CYP4F11: variants seen among roughly 807,000 people sequenced by gnomAD.
CYP4F11 encodes the protein cytochrome P450 4F11.
A neutral mutation model predicts 62.2 loss-of-function variants in CYP4F11; 79 were observed. That is an observed-to-expected ratio of 1.27 (90% confidence interval 1.06 to 1.53). CYP4F11 has a LOEUF of 1.53. CYP4F11 is among the 40% of genes most tolerant of loss of function. The pLI is 0.00. For missense variants in CYP4F11, 777 were observed against 680.5 expected (o/e 1.14, Z -1.58); for synonymous variants, 290 against 263.7 (o/e 1.10, Z -0.97).
At chr19:15,922,493 C>T (rs1355917504) in intron 6 of CYP4F11, 63 bp from the exon 7 acceptor site, 2 of 1,534,934 alleles carry the variant, frequency 1.3e-6, no homozygotes, top group Non-Finnish European at 1.8e-6. Context: ...GCTCTTGAGT[C>T]AAACCTAAGA....
chr19:15,931,632 A>G lies in CYP4F11; in HGVS notation c.199-2031T>C, dbSNP rs1220914568. ...GAGGAATGAGTGAGCGAGGAGAGGA[A>G]TGAGTGAGCGAGGAGAGGAATGAGT... On this transcript the variant is annotated intron_variant, in intron 1 of 11. Coordinates refer to ENST00000402119, the MANE Select transcript of CYP4F11 (RefSeq NM_021187.4). 5.6e-3 allele frequency among the ~76,000 whole-genome samples: 362 copies of G among 64,686 alleles called. 15 individuals are homozygous for G. The highest frequency in any genetic ancestry group is 7.5e-3 in the Non-Finnish European group (251 of 33,610). The allele number at this position is 64,686 out of a possible 152,430, so 42.4% of individuals were successfully genotyped here.
In CYP4F11 at chr19:15,920,709, C is replaced by G. The variant is rs570233223; in HGVS notation, c.1115+1328G>C. Among the ~76,000 whole-genome samples the G allele has an allele frequency of 3.3e-5, 5 of 152,196 alleles. No homozygotes were observed. In the South Asian group the frequency reaches 8.3e-4, roughly 25 times the overall value. On this transcript the variant is annotated intron_variant, in intron 8 of 11. Transcript: ENST00000402119. ...CTACAACTGGTCCTCTCCAGTATGC[C>G]CTCTACACTAGCCCTAAAAAGATTC...
rs757891413 is a variant in CYP4F11 at position 15,922,101 on chromosome 19, G to A, written c.1051C>T (p.Gln351Ter). 1 of 1,614,058 alleles carries A rather than the reference G, an allele frequency of 6.2e-7. No homozygotes were observed. The highest frequency in any genetic ancestry group is 1.1e-5 in the South Asian group (1 of 91,064). ...TGCACTTCTTGCCGGCACTGTTCCT[G>A]GTATTCTGGGTGCTTTGCAAGGTGG... The part of the protein sequence containing the change: ...LYHLAKHPEY[Q>*]EQCRQEVQEL... The change falls in exon 8 of 12, where the codon CAG becomes TAG. Residue 351 changes from glutamine to a stop codon, truncating the protein, a stop_gained. Transcript: ENST00000402119. LOFTEE classifies it high-confidence loss of function.
At chr19:15,913,978 C>T in intron 11 of CYP4F11, 69 bp from the exon 12 acceptor site, 3 of 1,540,066 alleles carry the variant, frequency 1.9e-6, no homozygotes, top group Non-Finnish European at 2.6e-6. Flanking sequence ...TGCTTAGAAC[C>T]TGGCCTGGGA....
chr19:15,924,777 C>G lies in CYP4F11; in HGVS notation c.631G>C (p.Glu211Gln). 1.2e-6 allele frequency: 2 copies of G among 1,612,096 alleles called. No individual in the cohort carries two copies. Among genetic ancestry groups the G allele is most frequent in the Non-Finnish European group, 1.7e-6 (2 of 1,178,726 alleles). ...DSLQKCVFSF[E>Q]SNCQEKPSEY... ...AGGACTCACTCCTGACAATTGCTTT[C>G]AAAGCTGAAGACACATTTCTGCAGA... The change falls in exon 5 of 12, where the codon GAA becomes CAA. Residue 211 changes from glutamate to glutamine, a missense_variant. Glu to Gln is a conservative substitution (Grantham distance 29). Coordinates refer to ENST00000402119, the MANE Select transcript of CYP4F11 (RefSeq NM_021187.4).
At chr19:15,931,540 GCGGGGAGAGGAA>G (rs879883225) in intron 1 of CYP4F11, among the ~76,000 whole-genome samples, 8,165 of 107,490 alleles carry the variant, frequency 0.076, 1,417 homozygotes, top group Middle Eastern at 0.14. Context: ...GAATGAGTGA[GCGGGGAGAGGAA>G]TGAGTGAGCG....
chr19:15,919,398 T>A (rs1325219799), intron 8 of CYP4F11, among the ~76,000 whole-genome samples: 2 of 146,836 alleles, frequency 1.4e-5, no homozygotes, highest in African/African-American at 2.5e-5. Flanking sequence ...ATAGATAGGA[T>A]AAAGGATGGA....
At chr19:15,929,654 C>T in intron 1 of CYP4F11, 53 bp from the exon 2 acceptor site, 1 of 1,523,088 alleles carries the variant, frequency 6.6e-7, no homozygotes, top group Non-Finnish European at 8.8e-7. Flanking sequence ...TCTAGGCATC[C>T]TGAATTAATC....
At chr19:15,914,058 G>T in intron 11 of CYP4F11, 149 bp from the exon 12 acceptor site, 2 of 1,136,176 alleles carry the variant, frequency 1.8e-6, no homozygotes, top group Non-Finnish European at 2.5e-6. Flanking sequence ...TCCCATGTGT[G>T]CTTGCATATC....
chr19:15,927,151 A>G lies in CYP4F11; in HGVS notation c.525+61T>C, dbSNP rs145858415. The stretch of plus-strand genomic sequence containing the variant: ...AAGCACAACCAAAATTCCAGAGCAG[A>G]TATGCCTGTGGTCCCTCTACCCCAA... On this transcript the variant is annotated intron_variant, in intron 4 of 11. Coordinates refer to ENST00000402119, the MANE Select transcript of CYP4F11 (RefSeq NM_021187.4). 9.9e-4 allele frequency: 1,570 copies of G among 1,578,862 alleles called. 10 individuals carry two copies. In the African/African-American group the frequency reaches 0.013, roughly 14 times the overall value.
At chr19:15,918,076 T>C (rs936367352) in intron 8 of CYP4F11, among the ~76,000 whole-genome samples, 2 of 152,002 alleles carry the variant, frequency 1.3e-5, no homozygotes, top group Admixed American at 6.5e-5. Context: ...GAAAATGTGG[T>C]TCATATACAC....
intron 4 of CYP4F11, 95 bp downstream of exon 4, chr19:15,927,117 T>C (rs929208252): frequency 3.6e-6 from 5 of 1,404,854 alleles, no homozygotes; most frequent in Non-Finnish European, 3.9e-6. Context: ...AGGAAGAGCA[T>C]TGTCCCCAAA....
In CYP4F11 at chr19:15,934,222, G is replaced by T. The variant is rs1204449710; in HGVS notation, c.187C>A (p.His63Asn). Reference protein sequence around the residue: ...QPPKQNWFWGHQGLVTPTEEG... With the variant: ...QPPKQNWFWGNQGLVTPTEEG... ...GCTGACAAACTCACCAGGCCCTGGT[G>T]TCCCCAAAACCAGTTCTGTTTCGGG... The change falls in exon 1 of 12, where the codon CAC becomes AAC. Residue 63 changes from histidine to asparagine, a missense_variant. Physicochemically the swap from His to Asn is moderately conservative, Grantham distance 68 (BLOSUM62 1). Transcript: ENST00000402119. The T allele has an allele frequency of 6.2e-7, 1 of 1,613,392 alleles. No individual in the cohort carries two copies. The highest frequency in any genetic ancestry group is 1.1e-5 in the South Asian group (1 of 91,026).
chr19:15,917,782 AAG>A (rs1377045045), intron 8 of CYP4F11, among the ~76,000 whole-genome samples: 1 of 152,294 alleles, frequency 6.6e-6, no homozygotes, highest in East Asian at 1.9e-4. Flanking sequence ...CTTCCACAAA[AAG>A]AAAAAAAATG....
chr19:15,922,922 A>G (rs1264196396), intron 6 of CYP4F11, among the ~76,000 whole-genome samples: 1 of 152,102 alleles, frequency 6.6e-6, no homozygotes, highest in African/African-American at 2.4e-5. Flanking sequence ...ATGGTGTTGC[A>G]TGCCTGTAAT....
intron 8 of CYP4F11, among the ~76,000 whole-genome samples, chr19:15,915,907 G>C (rs980978642): frequency 2.0e-5 from 3 of 151,570 alleles, no homozygotes; most frequent in Non-Finnish European, 4.4e-5. Context: ...TAAAAGATAA[G>C]ATATTAATAA....
At position 15,927,743 on chromosome 19, in the gene CYP4F11, A is replaced by G. The variant is rs2089681717; in HGVS notation, c.344-260T>C. ...TCCTACAAGGTCCAACATGTTCTGC[A>G]ACACCTGAGCATAGCTCAACACTCT... On this transcript the variant is annotated intron_variant, in intron 2 of 11. Coordinates refer to ENST00000402119, the MANE Select transcript of CYP4F11 (RefSeq NM_021187.4). 1.3e-5 allele frequency: 7 copies of G among 534,262 alleles called. 1 individual carries two copies. In the East Asian group the frequency reaches 2.1e-4, roughly 16 times the overall value. 33.1% of individuals were successfully genotyped at this position (534,262 alleles called of 1,614,324 possible). A position where few individuals can be genotyped will look rare whatever the true frequency, so the allele number is the denominator to read the frequency against.
intron 1 of CYP4F11, among the ~76,000 whole-genome samples, chr19:15,930,828 G>C (rs955362486): frequency 6.6e-6 from 1 of 152,122 alleles, no homozygotes; most frequent in African/African-American, 2.4e-5. Context: ...ACCAGCGGCT[G>C]TTCCTCCCAC....
At position 15,927,498 on chromosome 19, in the gene CYP4F11, G is replaced by A. The variant is rs1349913944; in HGVS notation, c.344-15C>T. ...TGCGACAGCAGCTGACATGATTGAGGACCATCAGTGGCCATGGAGAGGGGT... is the reference window on the plus strand; with the variant it reads ...TGCGACAGCAGCTGACATGATTGAGAACCATCAGTGGCCATGGAGAGGGGT... On this transcript the variant is annotated splice_polypyrimidine_tract_variant and intron_variant, in intron 2 of 11. Coordinates refer to ENST00000402119, the MANE Select transcript of CYP4F11 (RefSeq NM_021187.4). The A allele has an allele frequency of 6.2e-7, 1 of 1,613,072 alleles. No homozygotes were observed. The highest frequency in any genetic ancestry group is 1.7e-5 in the Admixed American group (1 of 59,950).
Sources: allele counts gnomAD v4.1 joint callset (sites outside exome capture counted in the v4.1 genomes callset), GRCh38; gene constraint gnomAD v4.1.1; transcripts MANE v1.5; gene names NCBI Gene and HGNC (gene_info 2026-07-23, HGNC 2026-07-21).